Variants in RBM6 observed in about 807,000 individuals in gnomAD.
The protein encoded by RBM6 is RNA-binding protein 6.
Under a neutral mutation model 140.4 loss-of-function variants are expected in RBM6, and 23 were observed. The ratio of observed to expected loss-of-function variants is 0.16; its 90% confidence interval spans 0.12 to 0.23. The LOEUF is 0.23. RBM6 is among the 10% of genes least tolerant of loss of function. The pLI is 1.00. For synonymous variants in RBM6, 439 were observed against 475.6 expected (o/e 0.92, Z 1.00); for missense variants, 1,139 against 1,386.7 (o/e 0.82, Z 2.84).
At chr3:50,045,350 G>T (rs2089169510) in intron 6 of RBM6, among the ~76,000 whole-genome samples, 1 of 152,168 alleles carries the variant, frequency 6.6e-6, no homozygotes, top group Non-Finnish European at 1.5e-5. Flanking sequence ...ACAGATGTAT[G>T]CTCTAACAGC....
intron 6 of RBM6, among the ~76,000 whole-genome samples, chr3:50,021,515 C>T (rs751268044): frequency 6.6e-6 from 1 of 152,058 alleles, no homozygotes; most frequent in African/African-American, 2.4e-5. Context: ...TGGCACACGC[C>T]TGTAATCCCA....
At chr3:49,962,403 G>C (rs2084323891) in intron 1 of RBM6, among the ~76,000 whole-genome samples, 173 bp from the exon 2 acceptor site, 2 of 151,532 alleles carry the variant, frequency 1.3e-5, no homozygotes, top group Non-Finnish European at 2.9e-5. Flanking sequence ...TTGCACTCCA[G>C]CCTGGGCGAC....
chr3:50,066,355 G>A lies in RBM6; in HGVS notation c.2796G>A (p.Gln932=). The part of the protein sequence containing the change: ...QTPPPQPRTA[Q]PQKREEQTKK... ...CTCCCCCACAGCCCCGCACAGCACA[G>A]CCCCAGAAGCGAGAGGAGCAAACCA... Residue 932 remains glutamine, a synonymous_variant, in exon 17 of 21, where the codon CAG becomes CAA. Transcript: ENST00000266022. 1 of 1,614,060 alleles carries A rather than the reference G, an allele frequency of 6.2e-7. No homozygotes were observed. Among genetic ancestry groups the A allele is most frequent in the Admixed American group, 1.7e-5 (1 of 60,008 alleles).
chr3:49,984,874 C>A (rs994385215), intron 5 of RBM6, among the ~76,000 whole-genome samples: 1 of 152,166 alleles, frequency 6.6e-6, no homozygotes, highest in African/African-American at 2.4e-5. Flanking sequence ...ATGCCACTTA[C>A]CAGTTTTGAG....
At chr3:49,969,824 A>G (rs1356031996) in intron 3 of RBM6, among the ~76,000 whole-genome samples, 2 of 151,112 alleles carry the variant, frequency 1.3e-5, no homozygotes, top group African/African-American at 4.9e-5. Flanking sequence ...GCTGAAGTGC[A>G]GTTGTGCGAT....
At chr3:49,944,304 A>G (rs560055112) in intron 1 of RBM6, among the ~76,000 whole-genome samples, 7 of 152,260 alleles carry the variant, frequency 4.6e-5, no homozygotes, top group Admixed American at 2.0e-4. Flanking sequence ...GGATTCATCC[A>G]TCTTGTAGTA....
At chr3:49,944,719 A>G (rs912676478) in intron 1 of RBM6, among the ~76,000 whole-genome samples, 4 of 151,852 alleles carry the variant, frequency 2.6e-5, no homozygotes, top group Non-Finnish European at 5.9e-5. Context: ...CAGGTGATCA[A>G]CCTGCCTCGG....
In RBM6 at chr3:49,968,682, T is replaced by C; in HGVS notation, c.1257T>C (p.Phe419=). ...ATAGGCTGCCAGGAAGCCAGATGTT[T>C]GGCTATGGCCAGAGCAAGTCTTTTC... The part of the protein sequence containing the change: ...VDHRLPGSQM[F]GYGQSKSFPE... The change falls in exon 3 of 21, where the codon TTT becomes TTC. Residue 419 remains phenylalanine, a synonymous_variant. Transcript: ENST00000266022. The C allele has an allele frequency of 1.2e-6, 2 of 1,613,734 alleles. No homozygotes were observed. Among genetic ancestry groups the C allele is most frequent in the Non-Finnish European group, 8.5e-7 (1 of 1,179,948 alleles).
intron 20 of RBM6, 100 bp from the exon 21 acceptor site, chr3:50,076,908 A>G: frequency 7.9e-7 from 1 of 1,266,990 alleles, no homozygotes; most frequent in Non-Finnish European, 1.1e-6. Flanking sequence ...ATTATCCTAT[A>G]TACTGCTTCT....
intron 16 of RBM6, 113 bp downstream of exon 16, chr3:50,065,239 A>G (rs1418782350): frequency 9.4e-6 from 7 of 743,266 alleles, no homozygotes; most frequent in South Asian, 7.0e-5. Flanking sequence ...TTACCTCACT[A>G]TGTCTCCCGA....
At chr3:49,955,649 C>T (rs1002967105) in intron 1 of RBM6, among the ~76,000 whole-genome samples, 3 of 152,072 alleles carry the variant, frequency 2.0e-5, no homozygotes, top group Admixed American at 1.3e-4. Context: ...TTGAGACCAG[C>T]CTGGCCAACA....
chr3:50,030,286 TAAA>T (rs57797585), intron 6 of RBM6, among the ~76,000 whole-genome samples: 3,761 of 103,826 alleles, frequency 0.036, 214 homozygotes, highest in African/African-American at 0.12. Flanking sequence ...CTTTTTGTCT[TAAA>T]AAAAAAAAAA....
intron 1 of RBM6, among the ~76,000 whole-genome samples, chr3:49,946,913 A>T (rs2083512127): frequency 6.8e-6 from 1 of 146,018 alleles, no homozygotes; most frequent in African/African-American, 2.5e-5. Flanking sequence ...GTGGTTTCTG[A>T]TTTGCATTTC....
chr3:50,053,799 A>G (rs1396015385), intron 7 of RBM6, among the ~76,000 whole-genome samples: 1 of 152,188 alleles, frequency 6.6e-6, no homozygotes, highest in Non-Finnish European at 1.5e-5. Flanking sequence ...TTCACATTAA[A>G]AATGTCTCTT....
At position 50,077,078 on chromosome 3, in the gene RBM6, C is replaced by T. The variant is rs1298000356; in HGVS notation, c.3317C>T (p.Thr1106Ile). ...GRTSKRQSNETYRDAVRRVMF... is the reference protein window; with the variant it reads ...GRTSKRQSNEIYRDAVRRVMF... ...ACCAGCAAAAGACAGTCCAACGAGACTTACCGAGATGCTGTTCGAAGAGTC... is the reference window on the plus strand; with the variant it reads ...ACCAGCAAAAGACAGTCCAACGAGATTTACCGAGATGCTGTTCGAAGAGTC... The change falls in exon 21 of 21, where the codon ACT becomes ATT. Residue 1106 changes from threonine (T) to isoleucine (I), a missense_variant. Thr to Ile is a moderately conservative substitution (Grantham distance 89). Transcript: ENST00000266022. The T allele has an allele frequency of 6.2e-7, 1 of 1,613,340 alleles. No homozygotes were observed. The highest frequency in any genetic ancestry group is 8.5e-7 in the Non-Finnish European group (1 of 1,179,890).
rs1386649694 is a variant in RBM6, at chr3:50,040,487, TATATATACACAC to T, written c.1558-7756_1558-7745del. On this transcript the variant is annotated intron_variant, in intron 6 of 20. Transcript: ENST00000266022. Reference sequence around the variant, plus strand: ...AAAAAAAAAAATATATATATATATATATATATACACACACACACACACACACACACGTGTGTA... The same window carrying T: ...AAAAAAAAAAATATATATATATATATACACACACACACACACACGTGTGTA... Among the ~76,000 whole-genome samples the T allele has an allele frequency of 1.7e-4, 17 of 102,564 alleles. No homozygotes were observed. The East Asian group carries it at 2.0e-3, about 12-fold the overall frequency. The allele number at this position is 102,564 out of a possible 152,430, so 67.3% of individuals were successfully genotyped here.
chr3:50,019,918 A>AT lies in RBM6; in HGVS notation c.1557+20422dup, dbSNP rs745603311. 1.9e-3 allele frequency among the ~76,000 whole-genome samples: 256 copies of AT among 136,252 alleles called. 1 individual carries two copies. Among genetic ancestry groups the AT allele is most frequent in the Middle Eastern group, 3.8e-3 (1 of 266 alleles). The allele number at this position is 136,252 out of a possible 152,430, so 89.4% of individuals were successfully genotyped here. A position where few individuals can be genotyped will look rare whatever the true frequency, so the allele number is the denominator to read the frequency against. On this transcript the variant is annotated intron_variant, in intron 6 of 20. Coordinates refer to ENST00000266022, the MANE Select transcript of RBM6 (RefSeq NM_005777.3). Reference sequence around the variant, plus strand: ...TCGATGTGATGGATTACATTAATTGATTTTTTTTTTTTTTTTTAGATGCAG... The same window carrying AT: ...TCGATGTGATGGATTACATTAATTGATTTTTTTTTTTTTTTTTTAGATGCAG...
intron 1 of RBM6, among the ~76,000 whole-genome samples, chr3:49,961,108 C>T (rs552664315): frequency 3.3e-5 from 5 of 152,042 alleles, no homozygotes; most frequent in Admixed American, 6.6e-5. Flanking sequence ...GATGGAGTCT[C>T]GCTCTGTCAC....
intron 6 of RBM6, among the ~76,000 whole-genome samples, chr3:50,026,344 A>G: frequency 6.6e-6 from 1 of 150,410 alleles, no homozygotes; most frequent in South Asian, 2.1e-4. Flanking sequence ...TGGTCTCCCA[A>G]AGTGCTAGGA....
Sources: allele counts gnomAD v4.1 joint callset (sites outside exome capture counted in the v4.1 genomes callset), GRCh38; gene constraint gnomAD v4.1.1; transcripts MANE v1.5; gene names NCBI Gene and HGNC (gene_info 2026-07-23, HGNC 2026-07-21).